The following WDTC1 variants were observed in gnomAD, a reference collection of about 807,000 sequenced individuals.
WDTC1 encodes the protein WD and tetratricopeptide repeats protein 1.
Under a neutral mutation model 76.0 loss-of-function variants are expected in WDTC1, and 12 were observed. The ratio of observed to expected loss-of-function variants is 0.16; its 90% confidence interval spans 0.10 to 0.26. The LOEUF is 0.26. Ranked by LOEUF, WDTC1 falls within the 10% of genes least tolerant of loss-of-function variation. The probability of loss-of-function intolerance (pLI) is 1.00; values close to 1 mark genes in which losing one functional copy is unlikely to be tolerated. For missense variants in WDTC1, 511 were observed against 908.8 expected (o/e 0.56, Z 5.63); for synonymous variants, 326 against 350.8 (o/e 0.93, Z 0.79).
intron 1 of WDTC1, among the ~76,000 whole-genome samples, chr1:27,257,222 CA>C (rs1274234070): frequency 6.6e-6 from 1 of 152,100 alleles, no homozygotes; most frequent in Non-Finnish European, 1.5e-5. Flanking sequence ...TTTTGACTTA[CA>C]TTGTTTCATT....
At chr1:27,235,466 C>T (rs1268941927) in intron 1 of WDTC1, among the ~76,000 whole-genome samples, 1 of 151,042 alleles carries the variant, frequency 6.6e-6, no homozygotes, top group Non-Finnish European at 1.5e-5. Context: ...GTGGCCCATC[C>T]TGGCACCAAA....
chr1:27,298,399 C>G lies in WDTC1; in HGVS notation c.1232+288C>G, dbSNP rs569829138. On this transcript the variant is annotated intron_variant, in intron 12 of 15. Coordinates refer to ENST00000319394, the MANE Select transcript of WDTC1 (RefSeq NM_001276252.2). ...GCATATTATTATAAAGTGCTGTGGC[C>G]CCTGGGGAAGTATGAGTTGAGGACT... 2.6e-5 allele frequency among the ~76,000 whole-genome samples: 4 copies of G among 152,204 alleles called. No homozygotes were observed. In the East Asian group the frequency reaches 7.7e-4, roughly 29 times the overall value.
At chr1:27,245,254 TA>T (rs1197098159) in intron 1 of WDTC1, among the ~76,000 whole-genome samples, 1 of 151,826 alleles carries the variant, frequency 6.6e-6, no homozygotes, top group African/African-American at 2.4e-5. Flanking sequence ...AAGTTCAAAT[TA>T]AAAGCTTGAA....
At chr1:27,284,256 A>T (rs1275921744) in intron 5 of WDTC1, among the ~76,000 whole-genome samples, 1 of 152,176 alleles carries the variant, frequency 6.6e-6, no homozygotes, top group Non-Finnish European at 1.5e-5. Flanking sequence ...CTATCCCTGC[A>T]CTTGTCCACT....
At chr1:27,279,925 C>G (rs562322164) in intron 3 of WDTC1, among the ~76,000 whole-genome samples, 155 of 152,290 alleles carry the variant, frequency 1.0e-3, no homozygotes, top group African/African-American at 3.4e-3. Context: ...GATTTTATTT[C>G]TGATTCTGCC....
chr1:27,235,175 G>A (rs2011467785), intron 1 of WDTC1, among the ~76,000 whole-genome samples: 1 of 152,024 alleles, frequency 6.6e-6, no homozygotes, highest in South Asian at 2.1e-4. Flanking sequence ...GGGTTTGGTC[G>A]GGACGCGGGG....
chr1:27,298,933 A>G (rs1226836192), intron 12 of WDTC1, among the ~76,000 whole-genome samples: 1 of 152,248 alleles, frequency 6.6e-6, no homozygotes, highest in Non-Finnish European at 1.5e-5. Flanking sequence ...CACCCAAGTC[A>G]GCAGGATGGT....
intron 3 of WDTC1, among the ~76,000 whole-genome samples, chr1:27,265,686 C>T (rs1039058185): frequency 6.6e-6 from 1 of 152,056 alleles, no homozygotes; most frequent in African/African-American, 2.4e-5. Flanking sequence ...TGGCTCACAC[C>T]TGTAATCCCA....
intron 1 of WDTC1, among the ~76,000 whole-genome samples, chr1:27,252,561 G>A (rs1403305969): frequency 6.6e-6 from 1 of 151,992 alleles, no homozygotes; most frequent in African/African-American, 2.4e-5. Context: ...ACTTTGGGAG[G>A]GCAAGGCAGG....
intron 1 of WDTC1, among the ~76,000 whole-genome samples, chr1:27,239,835 A>C (rs951098958): frequency 6.6e-6 from 1 of 150,850 alleles, no homozygotes; most frequent in East Asian, 1.9e-4. Context: ...AACCAAAAAA[A>C]CCCAAAAAAA....
intron 3 of WDTC1, among the ~76,000 whole-genome samples, chr1:27,272,873 C>T (rs1430480004): frequency 6.6e-6 from 1 of 152,052 alleles, no homozygotes; most frequent in Non-Finnish European, 1.5e-5. Context: ...TGCACCATTA[C>T]ACCCCAGCCT....
intron 3 of WDTC1, among the ~76,000 whole-genome samples, chr1:27,281,126 ATC>A (rs1483342703): frequency 2.6e-4 from 40 of 152,140 alleles, no homozygotes; most frequent in Non-Finnish European, 2.9e-5. Flanking sequence ...TACCCCCAGC[ATC>A]TGAACAGTAC....
chr1:27,255,985 C>G (rs1288922588), intron 1 of WDTC1, among the ~76,000 whole-genome samples: 1 of 152,134 alleles, frequency 6.6e-6, no homozygotes, highest in Non-Finnish European at 1.5e-5. Flanking sequence ...GTCATCTTCT[C>G]AGAGAACCCC....
intron 1 of WDTC1, among the ~76,000 whole-genome samples, chr1:27,245,166 T>A (rs1442119230): frequency 6.6e-6 from 1 of 151,760 alleles, no homozygotes; most frequent in African/African-American, 2.4e-5. Flanking sequence ...GGGATTATTA[T>A]CGTACATGAA....
intron 8 of WDTC1, 100 bp downstream of exon 8, chr1:27,294,216 G>C: frequency 7.8e-7 from 1 of 1,277,748 alleles, no homozygotes; most frequent in Non-Finnish European, 1.1e-6. Flanking sequence ...CAAGAGCAAG[G>C]GTTTTAGAGT....
At chr1:27,268,195 C>A (rs557222231) in intron 3 of WDTC1, among the ~76,000 whole-genome samples, 2 of 152,154 alleles carry the variant, frequency 1.3e-5, no homozygotes, top group East Asian at 3.9e-4. Context: ...AATCTCAGTA[C>A]TTTGTGAGGC....
chr1:27,252,601 C>A (rs1297710554), intron 1 of WDTC1, among the ~76,000 whole-genome samples: 1 of 151,968 alleles, frequency 6.6e-6, no homozygotes, highest in Middle Eastern at 3.2e-3. Flanking sequence ...CATTCGAGAC[C>A]AGCTTGGGCA....
Position 27,307,818 on chromosome 1 carries a change from C to A in WDTC1, c.*1435C>A, listed in dbSNP as rs1179035531. The A allele has an allele frequency of 6.6e-6, 1 of 152,660 alleles. No homozygotes were observed. The highest frequency in any genetic ancestry group is 1.5e-5 in the Non-Finnish European group (1 of 68,156). 9.5% of individuals were successfully genotyped at this position (152,660 alleles called of 1,614,324 possible). A position where few individuals can be genotyped will look rare whatever the true frequency, so the allele number is the denominator to read the frequency against. On this transcript the variant is annotated 3_prime_UTR_variant, in exon 16 of 16. Transcript: ENST00000319394. The surrounding 1 kb of genome is among the most constrained non-coding windows in gnomAD (Gnocchi z 4.1). ...GGTGGCAGCTTCTCCCCCTTCCTTC[C>A]CACCCCAGTCCCTCTTCCCACCCCT...
chr1:27,261,106 A>G lies in WDTC1; in HGVS notation c.48+4A>G, dbSNP rs1415636110. On this transcript the variant is annotated splice_donor_region_variant and intron_variant, in intron 2 of 15. Transcript: ENST00000319394. ...CCTCATCCGTAGGCAGATCAAGGTA[A>G]GCAGCCCAGACTTCTGCACCAGATC... 1 of 1,613,996 alleles carries G rather than the reference A, an allele frequency of 6.2e-7. No homozygotes were observed. Among genetic ancestry groups the G allele is most frequent in the Non-Finnish European group, 8.5e-7 (1 of 1,179,958 alleles).
Sources: allele counts gnomAD v4.1 joint callset (sites outside exome capture counted in the v4.1 genomes callset), GRCh38; gene constraint gnomAD v4.1.1; non-coding constraint Gnocchi (gnomAD v3.1); transcripts MANE v1.5; gene names NCBI Gene and HGNC (gene_info 2026-07-23, HGNC 2026-07-21).